The following NALCN variants were observed in gnomAD, a reference collection of about 807,000 sequenced individuals.
The protein encoded by NALCN is sodium leak channel NALCN.
A neutral mutation model predicts 225.3 loss-of-function variants in NALCN; 111 were observed. That is an observed-to-expected ratio of 0.49 (90% CI 0.42 to 0.58). The LOEUF is 0.58. NALCN is among the 20% of genes least tolerant of loss of function. The pLI, the probability that NALCN is intolerant of heterozygous loss-of-function variation, is 0.00. For synonymous variants in NALCN, 764 were observed against 769.0 expected (o/e 0.99, Z 0.11); for missense variants, 1,378 against 2,202.4 (o/e 0.63, Z 7.49).
At chr13:101,107,376 G>A in intron 22 of NALCN, 111 bp downstream of exon 22, 1 of 1,550,388 alleles carries the variant, frequency 6.4e-7, no homozygotes, top group Non-Finnish European at 8.8e-7. Flanking sequence ...TTAGTCCGCA[G>A]TTTATTTTGT....
rs146345457 is a variant in NALCN at position 101,280,509 on chromosome 13, G to A, written c.1134+3424C>T. On this transcript the variant is annotated intron_variant, in intron 10 of 43. Coordinates refer to ENST00000251127, the MANE Select transcript of NALCN (RefSeq NM_052867.4). Reference sequence around the variant, plus strand: ...GTTATTCTCAAATCTTTGTGATAAGGAGGCTGACTTGCCTCCTAATTTCAG... The same window carrying A: ...GTTATTCTCAAATCTTTGTGATAAGAAGGCTGACTTGCCTCCTAATTTCAG... Among the ~76,000 whole-genome samples, 504 of 152,200 alleles carry A rather than the reference G, an allele frequency of 3.3e-3. 6 individuals are homozygous for A. Among genetic ancestry groups the A allele is most frequent in the African/African-American group, 0.011 (476 of 41,508 alleles).
intron 15 of NALCN, among the ~76,000 whole-genome samples, chr13:101,158,422 G>GC (rs2038009117): frequency 6.6e-6 from 1 of 152,168 alleles, no homozygotes; most frequent in African/African-American, 2.4e-5. Flanking sequence ...CATGGGCACC[G>GC]CTGAGCTCCC....
intron 6 of NALCN, among the ~76,000 whole-genome samples, chr13:101,360,601 A>G (rs75899806): frequency 0.032 from 4,927 of 152,230 alleles, 274 homozygotes; most frequent in African/African-American, 0.11. Context: ...TGAACACGAA[A>G]AGTAAAGTCA....
intron 18 of NALCN, among the ~76,000 whole-genome samples, chr13:101,119,959 T>C (rs2035893294): frequency 6.6e-6 from 1 of 152,122 alleles, no homozygotes; most frequent in East Asian, 1.9e-4. Flanking sequence ...TTCTCAAATA[T>C]ATCAAAAAAT....
Position 101,292,223 on chromosome 13 carries a change from C to G in NALCN, c.942+1G>C. On this transcript the variant is annotated splice_donor_variant, in intron 8 of 43. Coordinates refer to ENST00000251127, the MANE Select transcript of NALCN (RefSeq NM_052867.4). LOFTEE classifies it high-confidence loss of function. This position sits in a 1 kb window ranked among gnomAD's most constrained non-coding sequence, Gnocchi z 4.3. ...TTTCTTAGTACAATTCTTCGCAGTA[C>G]CTTCACAAGCCAGGCGAGGAAGAAA... 1 of 1,613,938 alleles carries G rather than the reference C, an allele frequency of 6.2e-7. No homozygotes were observed. Among genetic ancestry groups the G allele is most frequent in the Non-Finnish European group, 8.5e-7 (1 of 1,179,944 alleles).
intron 7 of NALCN, among the ~76,000 whole-genome samples, chr13:101,328,617 C>G (rs1343696540): frequency 1.3e-5 from 2 of 151,812 alleles, no homozygotes; most frequent in Non-Finnish European, 2.9e-5. Flanking sequence ...TCTGTGTGAC[C>G]CTATGACTAT....
At chr13:101,373,619 T>G (rs2139408739) in intron 6 of NALCN, among the ~76,000 whole-genome samples, 1 of 152,306 alleles carries the variant, frequency 6.6e-6, no homozygotes, top group South Asian at 2.1e-4. Context: ...TAAAGGTAAC[T>G]TCCTCACTTT....
At chr13:101,194,660 T>C (rs570657822) in intron 13 of NALCN, among the ~76,000 whole-genome samples, 203 of 152,280 alleles carry the variant, frequency 1.3e-3, no homozygotes, top group African/African-American at 4.5e-3. Flanking sequence ...CCCTTAAGAA[T>C]TGTATAATTG....
chr13:101,226,654 T>TCCATTCAGAC (rs67017816), intron 13 of NALCN, among the ~76,000 whole-genome samples: 90,765 of 151,716 alleles, frequency 0.6, 27,807 homozygotes, highest in African/African-American at 0.73. Context: ...CTATGTGTGA[T>TCCATTCAGAC]CTGATGGCAA....
chr13:101,187,693 T>C (rs965413562), intron 14 of NALCN, among the ~76,000 whole-genome samples: 3 of 152,200 alleles, frequency 2.0e-5, no homozygotes, highest in Non-Finnish European at 2.9e-5. Context: ...TGTTCACTCA[T>C]AAGATTGCCA....
chr13:101,233,591 C>T (rs557760010), intron 12 of NALCN, among the ~76,000 whole-genome samples: 43 of 152,152 alleles, frequency 2.8e-4, no homozygotes, highest in African/African-American at 9.9e-4. Context: ...CCACCCGCCT[C>T]GGCCTCCCAA....
intron 7 of NALCN, among the ~76,000 whole-genome samples, chr13:101,330,923 T>C (rs1234673200): frequency 1.3e-5 from 2 of 152,192 alleles, no homozygotes; most frequent in Non-Finnish European, 2.9e-5. Context: ...CCTTGTGCCA[T>C]GATTGTGAGG....
At chr13:101,308,845 C>G (rs2044242643) in intron 7 of NALCN, among the ~76,000 whole-genome samples, 2 of 152,108 alleles carry the variant, frequency 1.3e-5, no homozygotes, top group Non-Finnish European at 2.9e-5. Flanking sequence ...AAAAGCCACT[C>G]TACTAACCTT....
At chr13:101,197,101 T>C (rs1189943798) in intron 13 of NALCN, among the ~76,000 whole-genome samples, 2 of 152,160 alleles carry the variant, frequency 1.3e-5, no homozygotes, top group Non-Finnish European at 2.9e-5. Context: ...CTGGAACAAG[T>C]GGCTTCTATA....
rs930071061 is a variant in NALCN at position 101,104,703 on chromosome 13, T to C, written c.2637-53A>G. ...ACATAAAGGTTCCAGGAAAGGCTTC[T>C]AAGAGTTAGAGATGATGGCTTCTGT... On this transcript the variant is annotated intron_variant, in intron 23 of 43. Transcript: ENST00000251127. This position sits in a 1 kb window ranked among gnomAD's most constrained non-coding sequence, Gnocchi z 4.2. The C allele has an allele frequency of 6.2e-6, 10 of 1,609,954 alleles. No individual in the cohort carries two copies. Among genetic ancestry groups the C allele is most frequent in the Non-Finnish European group, 7.6e-6 (9 of 1,177,828 alleles).
In NALCN at chr13:101,111,119, A is replaced by G; in HGVS notation, c.2294+6T>C. The G allele has an allele frequency of 6.2e-7, 1 of 1,601,578 alleles. No homozygotes were observed. Among genetic ancestry groups the G allele is most frequent in the South Asian group, 1.1e-5 (1 of 90,202 alleles). ...TCTCTGAAGCCCTGTCTTCCCAAGTATTTACCTGCGCTCTTGGCGGATATG... is the reference window on the plus strand; with the variant it reads ...TCTCTGAAGCCCTGTCTTCCCAAGTGTTTACCTGCGCTCTTGGCGGATATG... On this transcript the variant is annotated splice_donor_region_variant and intron_variant, in intron 19 of 43. Coordinates refer to ENST00000251127, the MANE Select transcript of NALCN (RefSeq NM_052867.4).
intron 13 of NALCN, among the ~76,000 whole-genome samples, chr13:101,214,863 A>G (rs1430136647): frequency 6.6e-6 from 1 of 152,102 alleles, no homozygotes; most frequent in Non-Finnish European, 1.5e-5. Context: ...CAATGGCAAA[A>G]GGGGATGACA....
At chr13:101,325,269 C>A (rs1425708998) in intron 7 of NALCN, among the ~76,000 whole-genome samples, 1 of 152,168 alleles carries the variant, frequency 6.6e-6, no homozygotes, top group Non-Finnish European at 1.5e-5. Context: ...ACCTAGTACA[C>A]TTGAGCTGTA....
At chr13:101,233,853 C>T (rs1449228872) in intron 12 of NALCN, among the ~76,000 whole-genome samples, 6 of 152,198 alleles carry the variant, frequency 3.9e-5, no homozygotes, top group Non-Finnish European at 7.3e-5. Flanking sequence ...GTAAGAACCA[C>T]AGCGTTTTGC....
Sources: gnomAD v4.1 joint callset for allele counts (sites outside exome capture counted in the v4.1 genomes callset) on GRCh38, gnomAD v4.1.1 for gene constraint, Gnocchi (gnomAD v3.1) non-coding constraint, MANE v1.5 for transcripts, NCBI Gene and HGNC (gene_info 2026-07-23, HGNC 2026-07-21) for gene names.